The following FNDC3B variants were observed in gnomAD, a reference collection of about 807,000 sequenced individuals.
FNDC3B encodes the protein fibronectin type III domain-containing protein 3B.
FNDC3B carries 12 observed loss-of-function variants against 151.5 expected under a neutral mutation model. That is an observed-to-expected ratio of 0.08 (90% CI 0.05 to 0.13). The LOEUF (loss-of-function observed/expected upper bound fraction) is 0.13, where lower values mean the gene tolerates loss of function less well. FNDC3B is among the 10% of genes least tolerant of loss of function. FNDC3B has a pLI of 1.00. For missense variants in FNDC3B, 1,214 were observed against 1,505.3 expected (o/e 0.81, Z 3.20); for synonymous variants, 528 against 549.0 (o/e 0.96, Z 0.54).
At chr3:172,384,142 G>A (rs1374978947) in intron 25 of FNDC3B, among the ~76,000 whole-genome samples, 2 of 152,100 alleles carry the variant, frequency 1.3e-5, no homozygotes, top group African/African-American at 2.4e-5. Context: ...TTAAAAAAAG[G>A]TAATTTTGGA....
chr3:172,246,739 A>C (rs922666229), intron 4 of FNDC3B, among the ~76,000 whole-genome samples: 1 of 152,164 alleles, frequency 6.6e-6, no homozygotes, highest in African/African-American at 2.4e-5. Context: ...CAGCCTGGGC[A>C]ACAGAGTGAA....
chr3:172,233,314 T>C (rs1336899386), intron 4 of FNDC3B, among the ~76,000 whole-genome samples: 1 of 152,214 alleles, frequency 6.6e-6, no homozygotes, highest in Admixed American at 6.5e-5. Context: ...AAGTTAGTAG[T>C]CAAAATAAAT....
In FNDC3B at chr3:172,080,465, G is replaced by A. The variant is rs567411588; in HGVS notation, c.-28-31987G>A. Among the ~76,000 whole-genome samples, 25 of 150,064 alleles carry A rather than the reference G, an allele frequency of 1.7e-4. No individual in the cohort carries two copies. In the East Asian group the frequency reaches 1.8e-3, roughly 11 times the overall value. On this transcript the variant is annotated intron_variant, in intron 1 of 25. Coordinates refer to ENST00000415807, the MANE Select transcript of FNDC3B (RefSeq NM_022763.4). ...TAAATTTTTTTTTTTTTCTAGAGAT[G>A]AAGGGTCTTGCTATATTTCCCAGGC...
At chr3:172,210,210 GC>G (rs1042467745) in intron 3 of FNDC3B, among the ~76,000 whole-genome samples, 9 of 152,100 alleles carry the variant, frequency 5.9e-5, no homozygotes, top group Non-Finnish European at 1.3e-4. Context: ...CCACGAAGCC[GC>G]CCCCCACTCC....
At position 172,317,349 on chromosome 3, in the gene FNDC3B, A is replaced by G. The variant is rs918105372; in HGVS notation, c.1254+6468A>G. 7.3e-5 allele frequency: 21 copies of G among 289,160 alleles called. No homozygotes were observed. The East Asian group carries it at 1.9e-3, about 26-fold the overall frequency. The allele number at this position is 289,160 out of a possible 1,614,324, so 17.9% of individuals were successfully genotyped here. On this transcript the variant is annotated intron_variant, in intron 11 of 25. Coordinates refer to ENST00000415807, the MANE Select transcript of FNDC3B (RefSeq NM_022763.4). ...CAGGCGCCTGCCACCACGCCCAGCT[A>G]ATTTTTTTGTATTTTTAATAGAGAC...
chr3:172,153,400 C>T (rs1302569549), intron 3 of FNDC3B, among the ~76,000 whole-genome samples: 1 of 152,198 alleles, frequency 6.6e-6, no homozygotes, highest in Non-Finnish European at 1.5e-5. Flanking sequence ...ACAGAGGCGG[C>T]CTCTGTCCTG....
Position 172,400,920 on chromosome 3 carries a change from G to A in FNDC3B, c.*3445G>A, listed in dbSNP as rs1344766470. ...TTACAGGCACTCGCCACCATGCCCG[G>A]ATAATTTTTTTTTTTTTTTTGAGTT... On this transcript the variant is annotated 3_prime_UTR_variant, in exon 26 of 26. Transcript: ENST00000415807. 3 of 111,824 alleles carry A rather than the reference G, an allele frequency of 2.7e-5. No individual in the cohort carries two copies. The highest frequency in any genetic ancestry group is 5.6e-5 in the Non-Finnish European group (3 of 53,962). The allele number at this position is 111,824 out of a possible 1,614,324, so 6.9% of individuals were successfully genotyped here.
At chr3:172,243,410 G>C (rs968551814) in intron 4 of FNDC3B, among the ~76,000 whole-genome samples, 6 of 152,170 alleles carry the variant, frequency 3.9e-5, no homozygotes, top group African/African-American at 1.4e-4. Flanking sequence ...GTTTCATGTG[G>C]GTGAGGAAGC....
chr3:172,273,835 C>T (rs73029390), intron 6 of FNDC3B, among the ~76,000 whole-genome samples: 9,230 of 152,208 alleles, frequency 0.061, 728 homozygotes, highest in African/African-American at 0.18. Flanking sequence ...TTGAGCAGCC[C>T]GGATACATTC....
chr3:172,382,580 C>T (rs1209236387), intron 25 of FNDC3B, among the ~76,000 whole-genome samples: 1 of 152,172 alleles, frequency 6.6e-6, no homozygotes, highest in Non-Finnish European at 1.5e-5. Context: ...AGGTTTTCTT[C>T]TACGGTTTTT....
intron 16 of FNDC3B, among the ~76,000 whole-genome samples, chr3:172,338,708 TCTAA>T (rs1432220753): frequency 2.0e-5 from 3 of 152,324 alleles, no homozygotes; most frequent in African/African-American, 2.4e-5. Context: ...TAATAATCTC[TCTAA>T]CTATTAAGGT....
chr3:172,333,057 A>T, intron 13 of FNDC3B, 32 bp from the exon 14 acceptor site: 1 of 1,401,736 alleles, frequency 7.1e-7, no homozygotes, highest in Non-Finnish European at 1.0e-6. Context: ...AATTTTTTAT[A>T]CTGATGTTTC....
chr3:172,050,902 A>G lies in FNDC3B; in HGVS notation c.-29+11131A>G, dbSNP rs551621061. On this transcript the variant is annotated intron_variant, in intron 1 of 25. Coordinates refer to ENST00000415807, the MANE Select transcript of FNDC3B (RefSeq NM_022763.4). The stretch of plus-strand genomic sequence containing the variant: ...GGCGGTAGGATCATTACGGATATCA[A>G]AAGGTATTGAGAGTCATGGTCTCCT... 3.4e-4 allele frequency among the ~76,000 whole-genome samples: 52 copies of G among 152,188 alleles called. No homozygotes were observed. The South Asian group carries it at 0.011, about 31-fold the overall frequency.
At chr3:172,075,425 C>T (rs1341824810) in intron 1 of FNDC3B, among the ~76,000 whole-genome samples, 1 of 152,032 alleles carries the variant, frequency 6.6e-6, no homozygotes, top group Non-Finnish European at 1.5e-5. Flanking sequence ...CAAGTGGTCA[C>T]TTAGGTTTCC....
At chr3:172,186,079 G>A (rs1334967526) in intron 3 of FNDC3B, among the ~76,000 whole-genome samples, 3 of 152,222 alleles carry the variant, frequency 2.0e-5, no homozygotes, top group Non-Finnish European at 4.4e-5. Context: ...AGTGAAAGCT[G>A]AAGTAAGGAT....
chr3:172,377,546 C>T (rs569286570), intron 23 of FNDC3B, among the ~76,000 whole-genome samples: 17 of 152,244 alleles, frequency 1.1e-4, no homozygotes, highest in South Asian at 4.1e-4. Context: ...TTATGCTTAA[C>T]GTTTCATGGA....
chr3:172,279,451 A>C (rs1729593234), intron 6 of FNDC3B, among the ~76,000 whole-genome samples: 1 of 152,194 alleles, frequency 6.6e-6, no homozygotes, highest in South Asian at 2.1e-4. Flanking sequence ...CTGGAATGGA[A>C]AGCAACTGCA....
chr3:172,206,869 A>G (rs895384195), intron 3 of FNDC3B, among the ~76,000 whole-genome samples: 4 of 152,134 alleles, frequency 2.6e-5, no homozygotes, highest in Non-Finnish European at 4.4e-5. Context: ...TTGCTATAAA[A>G]CTAAAGTTTA....
At chr3:172,221,684 A>G (rs1726285035) in intron 3 of FNDC3B, among the ~76,000 whole-genome samples, 2 of 152,020 alleles carry the variant, frequency 1.3e-5, no homozygotes, top group Admixed American at 6.6e-5. Context: ...AGTGTTGAAT[A>G]ATTTAAAAAA....
Sources: allele counts gnomAD v4.1 joint callset (sites outside exome capture counted in the v4.1 genomes callset), GRCh38; gene constraint gnomAD v4.1.1; transcripts MANE v1.5; gene names NCBI Gene and HGNC (gene_info 2026-07-23, HGNC 2026-07-21).